HGSNAT: variants seen among roughly 807,000 people sequenced by gnomAD.
The protein encoded by HGSNAT is heparan-alpha-glucosaminide N-acetyltransferase, also known as transmembrane protein 76.
HGSNAT carries 59 observed loss-of-function variants against 85.2 expected under a neutral mutation model. The ratio of observed to expected loss-of-function variants is 0.69; its 90% CI spans 0.56 to 0.86. The LOEUF is 0.86. Ranked by LOEUF, HGSNAT falls within the 40% of genes least tolerant of loss-of-function variation. HGSNAT has a pLI of 0.00. For synonymous variants in HGSNAT, 321 were observed against 304.5 expected (o/e 1.05, Z -0.56); for missense variants, 756 against 777.1 (o/e 0.97, Z 0.32).
chr8:43,147,141 C>G, intron 2 of HGSNAT, 78 bp downstream of exon 2: 3 of 786,970 alleles, frequency 3.8e-6, no homozygotes, highest in Non-Finnish European at 4.1e-6. Context: ...ATGTCTAAAG[C>G]CCTTCACAAG....
chr8:43,175,210 A>G (rs919028403), intron 9 of HGSNAT, among the ~76,000 whole-genome samples: 1 of 152,162 alleles, frequency 6.6e-6, no homozygotes, highest in Admixed American at 6.5e-5. Flanking sequence ...TCTCTTCAAT[A>G]TACTGATTTC....
chr8:43,167,448 C>T (rs1803468251), intron 5 of HGSNAT, among the ~76,000 whole-genome samples: 1 of 152,166 alleles, frequency 6.6e-6, no homozygotes, highest in Non-Finnish European at 1.5e-5. Context: ...CCTCCACCAG[C>T]AAAAAGATTA....
At chr8:43,183,910 T>G (rs1804219623) in intron 11 of HGSNAT, among the ~76,000 whole-genome samples, 1 of 152,170 alleles carries the variant, frequency 6.6e-6, no homozygotes, top group Admixed American at 6.5e-5. Context: ...TTTGTGATAG[T>G]TTGCTGAGAA....
At chr8:43,196,826 C>T (rs1047574214) in intron 14 of HGSNAT, 122 bp from the exon 15 acceptor site, 4 of 681,266 alleles carry the variant, frequency 5.9e-6, no homozygotes, top group Non-Finnish European at 1.0e-5. Flanking sequence ...CCTGTAATCC[C>T]AGCACCTAGT....
Position 43,197,018 on chromosome 8 carries a change from G to C in HGSNAT, c.1535G>C (p.Cys512Ser), listed in dbSNP as rs762252722. The change falls in exon 15 of 18, where the codon TGT (cysteine) becomes TCT (serine). Residue 512 changes from cysteine to serine, a missense_variant. Cys to Ser is a moderately radical substitution (Grantham distance 112). Coordinates refer to ENST00000379644, the MANE Select transcript of HGSNAT (RefSeq NM_152419.3). Reference sequence around the variant, plus strand: ...CTGATTCGATTCACTGCTTGGTGTTGTATTCTTGTAAGTAAGCAGCATTCC... The same window carrying C: ...CTGATTCGATTCACTGCTTGGTGTTCTATTCTTGTAAGTAAGCAGCATTCC... ...DILIRFTAWC[C>S]ILGLISVALT... 18 of 1,603,310 alleles carry C rather than the reference G, an allele frequency of 1.1e-5. No homozygotes were observed. The highest frequency in any genetic ancestry group is 1.5e-5 in the Non-Finnish European group (18 of 1,170,626).
At position 43,158,790 on chromosome 8, in the gene HGSNAT, T is replaced by G. The variant is rs995634312; in HGVS notation, c.371+79T>G. 26 of 1,516,530 alleles carry G rather than the reference T, an allele frequency of 1.7e-5. No individual in the cohort carries two copies. The East Asian group carries it at 5.9e-4, about 34-fold the overall frequency. 93.9% of individuals were successfully genotyped at this position (1,516,530 alleles called of 1,614,324 possible). ...ATTTTGGTTTTAGCTTTTTTTCTCT[T>G]TACAGTATTTTTCTTTATCTTTTCT... On this transcript the variant is annotated intron_variant, in intron 3 of 17. Coordinates refer to ENST00000379644, the MANE Select transcript of HGSNAT (RefSeq NM_152419.3).
chr8:43,169,032 A>T lies in HGSNAT; in HGVS notation c.564-141A>T, dbSNP rs1323177342. On this transcript the variant is annotated intron_variant, in intron 5 of 17. Transcript: ENST00000379644. Reference sequence around the variant, plus strand: ...GCTGAAAATTGTGATTTCTATTTTTATATTGTTAAAAAATGTTTAGAATGT... The same window carrying T: ...GCTGAAAATTGTGATTTCTATTTTTTTATTGTTAAAAAATGTTTAGAATGT... The T allele has an allele frequency of 6.5e-6, 3 of 462,924 alleles. No homozygotes were observed. In the East Asian group the frequency reaches 9.9e-5, roughly 15 times the overall value. 28.7% of individuals were successfully genotyped at this position (462,924 alleles called of 1,614,324 possible).
chr8:43,182,183 C>A lies in HGSNAT; in HGVS notation c.1051C>A (p.Arg351=), dbSNP rs756420301. ...GGTGCGCATTCCTGGTGTGCTGCAGCGATTGGGAGTGACATACTTTGTGGT... is the reference window on the plus strand; with the variant it reads ...GGTGCGCATTCCTGGTGTGCTGCAGAGATTGGGAGTGACATACTTTGTGGT... The part of the protein sequence containing the change: ...DKVRIPGVLQ[R]LGVTYFVVAV... The change falls in exon 11 of 18, where the codon CGA becomes AGA. Residue 351 remains arginine (R), a synonymous_variant. Coordinates refer to ENST00000379644, the MANE Select transcript of HGSNAT (RefSeq NM_152419.3). 6.2e-7 allele frequency: 1 copy of A among 1,613,916 alleles called. No homozygotes were observed. Among genetic ancestry groups the A allele is most frequent in the Non-Finnish European group, 8.5e-7 (1 of 1,179,882 alleles).
Position 43,172,236 on chromosome 8 carries a change from A to C in HGSNAT, c.744-74A>C, listed in dbSNP as rs557702308. The C allele has an allele frequency of 2.4e-5, 24 of 993,798 alleles. No homozygotes were observed. In the African/African-American group the frequency reaches 3.5e-4, roughly 14 times the overall value. 61.6% of individuals were successfully genotyped at this position (993,798 alleles called of 1,614,324 possible). On this transcript the variant is annotated intron_variant, in intron 7 of 17. Transcript: ENST00000379644. ...TGCATGATTGCACCTTGTGAGTATAAATGTGTCTTCAGTTCAGCCCTTCCT... is the reference window on the plus strand; with the variant it reads ...TGCATGATTGCACCTTGTGAGTATACATGTGTCTTCAGTTCAGCCCTTCCT...
chr8:43,192,860 G>T (rs1179027617), intron 13 of HGSNAT, among the ~76,000 whole-genome samples: 1 of 152,152 alleles, frequency 6.6e-6, no homozygotes, highest in African/African-American at 2.4e-5. Context: ...CGGATTTCCT[G>T]GCAGCAGACC....
chr8:43,184,614 T>C (rs528659094), intron 11 of HGSNAT, among the ~76,000 whole-genome samples: 9 of 152,356 alleles, frequency 5.9e-5, no homozygotes, highest in African/African-American at 1.9e-4. Context: ...GTAGTTTCTT[T>C]TGCTGTGCAG....
Position 43,170,565 on chromosome 8 carries a change from T to G in HGSNAT, c.634-20T>G. On this transcript the variant is annotated intron_variant, in intron 6 of 17. Transcript: ENST00000379644. ...CCCTTAGCATTATGAGTTGTCATCT[T>G]TCTCCCTTTTTTTCTGAAGGAGCTG... 6.5e-7 allele frequency: 1 copy of G among 1,540,834 alleles called. No homozygotes were observed. The highest frequency in any genetic ancestry group is 8.9e-7 in the Non-Finnish European group (1 of 1,124,818).
rs757980773 is a variant in HGSNAT at position 43,201,527 on chromosome 8, A to G, written c.*1958A>G. ...TTCCTCTGAATTTTTTCCTATCTAC[A>G]TTTGATCTGTCATGTTTAAACCCCC... On this transcript the variant is annotated 3_prime_UTR_variant, in exon 18 of 18. Transcript: ENST00000379644. This position sits in a 1 kb window ranked among gnomAD's most constrained non-coding sequence, Gnocchi z 4.4. 6 of 152,138 alleles carry G rather than the reference A, an allele frequency of 3.9e-5. No homozygotes were observed. The highest frequency in any genetic ancestry group is 1.4e-4 in the African/African-American group (6 of 41,422). 9.4% of individuals were successfully genotyped at this position (152,138 alleles called of 1,614,324 possible). A position where few individuals can be genotyped will look rare whatever the true frequency, so the allele number is the denominator to read the frequency against.
Position 43,146,935 on chromosome 8 carries a change from T to A in HGSNAT, c.119-13T>A. The A allele has an allele frequency of 2.1e-6, 3 of 1,407,584 alleles. No homozygotes were observed. The highest frequency in any genetic ancestry group is 2.9e-6 in the Non-Finnish European group (3 of 1,022,492). 87.2% of individuals were successfully genotyped at this position (1,407,584 alleles called of 1,614,324 possible). On this transcript the variant is annotated splice_polypyrimidine_tract_variant and intron_variant, in intron 1 of 17. Transcript: ENST00000379644. ...TTTTTTTTTTTTTTTTAACTTTTCC[T>A]AATTTCTACCAGACTTAGACAAAAA...
intron 15 of HGSNAT, chr8:43,197,401 T>C (rs949264083): frequency 1.6e-5 from 9 of 548,506 alleles, no homozygotes; most frequent in Non-Finnish European, 9.7e-6. Context: ...CATTTCATCC[T>C]GACCGCAGCC....
intron 2 of HGSNAT, among the ~76,000 whole-genome samples, chr8:43,154,979 A>G (rs1803046316): frequency 6.6e-6 from 1 of 152,190 alleles, no homozygotes; most frequent in Non-Finnish European, 1.5e-5. Flanking sequence ...TGTGGGCTGC[A>G]TAATTGTCTT....
chr8:43,181,262 G>T lies in HGSNAT; in HGVS notation c.1013-883G>T, dbSNP rs1050192267. On this transcript the variant is annotated intron_variant, in intron 10 of 17. Transcript: ENST00000379644. ...ATTTCATCAGCTTTCGATAGTGTGC[G>T]GCAGTTCACGAATCCACCTTCACTG... is the stretch of plus-strand genomic sequence containing the variant. Among the ~76,000 whole-genome samples, 4 of 149,166 alleles carry T rather than the reference G, an allele frequency of 2.7e-5. No individual in the cohort carries two copies. In the Admixed American group the frequency reaches 2.7e-4, roughly 10 times the overall value.
intron 7 of HGSNAT, 141 bp downstream of exon 7, chr8:43,170,835 A>G: frequency 1.7e-6 from 1 of 595,940 alleles, no homozygotes. Context: ...ATGTAAAAGT[A>G]AACTCTGCAG....
chr8:43,146,246 C>T (rs375587826), intron 1 of HGSNAT, among the ~76,000 whole-genome samples: 5 of 152,214 alleles, frequency 3.3e-5, no homozygotes, highest in Non-Finnish European at 5.9e-5. Flanking sequence ...TACCCCTCTC[C>T]GATCTGCCAT....
Sources: gnomAD v4.1 joint callset for allele counts (sites outside exome capture counted in the v4.1 genomes callset) on GRCh38, gnomAD v4.1.1 for gene constraint, Gnocchi (gnomAD v3.1) non-coding constraint, MANE v1.5 for transcripts, NCBI Gene and HGNC (gene_info 2026-07-23, HGNC 2026-07-21) for gene names.